The following POFUT3 variants were observed in gnomAD, a reference collection of about 807,000 sequenced individuals.
The protein encoded by POFUT3 is protein O-fucosyltransferase 3.
chr8:33,318,100 T>C, the POFUT3 span, among the ~76,000 whole-genome samples: 51,651 of 152,016 alleles, frequency 0.34, 9,396 homozygotes, highest in East Asian at 0.66. Flanking sequence ...GCTCTGGGCA[T>C]AAATAGCCTG....
chr8:33,414,828 A>G, the POFUT3 span, among the ~76,000 whole-genome samples: 1 of 152,072 alleles, frequency 6.6e-6, no homozygotes, highest in Non-Finnish European at 1.5e-5. Flanking sequence ...TGACTTGGAC[A>G]CCTAAACTCA....
At chr8:33,390,615 T>A in the POFUT3 span, among the ~76,000 whole-genome samples, 1 of 151,990 alleles carries the variant, frequency 6.6e-6, no homozygotes, top group Admixed American at 6.5e-5. Flanking sequence ...AGATAGATTT[T>A]TTTAATCCAA....
At chr8:33,422,710 T>A in the POFUT3 span, among the ~76,000 whole-genome samples, 1 of 152,060 alleles carries the variant, frequency 6.6e-6, no homozygotes, top group East Asian at 1.9e-4. Flanking sequence ...AGTGTTCAAG[T>A]CATGCTACAG....
the POFUT3 span, among the ~76,000 whole-genome samples, chr8:33,317,996 G>A: frequency 3.3e-5 from 5 of 152,204 alleles, no homozygotes; most frequent in South Asian, 8.3e-4. Context: ...TCAAACAAAT[G>A]TCTGGTGAAT....
the POFUT3 span, among the ~76,000 whole-genome samples, chr8:33,362,764 C>A: frequency 6.6e-6 from 1 of 152,144 alleles, no homozygotes; most frequent in African/African-American, 2.4e-5. Context: ...CACCCAGATT[C>A]ATAAAGCAAG....
At chr8:33,316,671 G>A in the POFUT3 span, among the ~76,000 whole-genome samples, 1 of 151,890 alleles carries the variant, frequency 6.6e-6, no homozygotes, top group African/African-American at 2.4e-5. Flanking sequence ...GAACCCAGGA[G>A]GTGGAGGTTG....
chr8:33,468,394 G>C, the POFUT3 span, among the ~76,000 whole-genome samples: 4 of 152,098 alleles, frequency 2.6e-5, no homozygotes, highest in Non-Finnish European at 4.4e-5. Flanking sequence ...TAATTGGGGA[G>C]TCAACTGGGT....
chr8:33,404,929 C>A, the POFUT3 span, among the ~76,000 whole-genome samples: 3 of 152,020 alleles, frequency 2.0e-5, no homozygotes, highest in African/African-American at 4.8e-5. Flanking sequence ...TAGATGAGAC[C>A]TTTCCTGCTC....
chr8:33,408,726 T>C, the POFUT3 span, among the ~76,000 whole-genome samples: 16 of 152,144 alleles, frequency 1.1e-4, no homozygotes, highest in Non-Finnish European at 2.1e-4. Context: ...TCAATTTATA[T>C]GACTTCTCTA....
the POFUT3 span, chr8:33,371,954 C>T: frequency 6.4e-6 from 1 of 157,114 alleles, no homozygotes; most frequent in African/African-American, 2.4e-5. Flanking sequence ...AGACATTCTA[C>T]TTTGAAGGGA....
chr8:33,465,921 T>C, the POFUT3 span, among the ~76,000 whole-genome samples: 139 of 152,278 alleles, frequency 9.1e-4, 1 homozygote, highest in African/African-American at 3.0e-3. Context: ...AAACAAAAGA[T>C]ACAATTTGAG....
chr8:33,433,203 C>A, the POFUT3 span, among the ~76,000 whole-genome samples: 1 of 151,676 alleles, frequency 6.6e-6, no homozygotes, highest in African/African-American at 2.4e-5. Flanking sequence ...CACTGCACTT[C>A]ACCTTGGGCA....
the POFUT3 span, among the ~76,000 whole-genome samples, chr8:33,322,195 A>G: frequency 6.6e-6 from 1 of 152,038 alleles, no homozygotes; most frequent in South Asian, 2.1e-4. Context: ...TAAATGTATA[A>G]GAGCAAGTTT....
the POFUT3 span, chr8:33,452,711 C>T: frequency 6.5e-6 from 1 of 153,988 alleles, no homozygotes; most frequent in African/African-American, 2.4e-5. Context: ...CACACACACA[C>T]ACACACACAC....
At chr8:33,395,850 C>G in the POFUT3 span, among the ~76,000 whole-genome samples, 1 of 152,132 alleles carries the variant, frequency 6.6e-6, no homozygotes. Context: ...CACTCACCTG[C>G]GTGCTCCCCT....
the POFUT3 span, among the ~76,000 whole-genome samples, chr8:33,316,901 C>T: frequency 6.6e-6 from 1 of 152,102 alleles, no homozygotes; most frequent in African/African-American, 2.4e-5. Context: ...GAGGAATTCA[C>T]TGTAATTATT....
the POFUT3 span, among the ~76,000 whole-genome samples, chr8:33,381,399 A>G: frequency 8.9e-4 from 136 of 152,264 alleles, no homozygotes; most frequent in African/African-American, 3.1e-3. Flanking sequence ...AAAACATCAC[A>G]TTTAATCTGT....
the POFUT3 span, among the ~76,000 whole-genome samples, chr8:33,361,684 T>C: frequency 3.3e-5 from 5 of 152,212 alleles, no homozygotes; most frequent in Non-Finnish European, 5.9e-5. Flanking sequence ...TCCTGGCACA[T>C]AGTAAATGCT....
At chr8:33,467,297 A>T in the POFUT3 span, among the ~76,000 whole-genome samples, 2,890 of 149,008 alleles carry the variant, frequency 0.019, 43 homozygotes, top group Non-Finnish European at 0.032. Context: ...AAAAAAAAAG[A>T]CTAGTGATTA....
Sources: gnomAD v4.1 joint callset for allele counts (sites outside exome capture counted in the v4.1 genomes callset) on GRCh38, gnomAD v4.1.1 for gene constraint, MANE v1.5 for transcripts, NCBI Gene and HGNC (gene_info 2026-07-23, HGNC 2026-07-21) for gene names.